Variants in NIN observed in about 807,000 individuals in gnomAD.
NIN encodes ninein.
Under a neutral mutation model 257.6 loss-of-function variants are expected in NIN, and 137 were observed. The observed-to-expected ratio is 0.53, with a 90% CI of 0.46 to 0.61. The LOEUF (loss-of-function observed/expected upper bound fraction) is 0.61. Among genes scored for constraint, NIN ranks in the 20% least tolerant of loss-of-function variants. The pLI is 0.00. For missense variants in NIN, 2,439 were observed against 2,501.2 expected, an observed-to-expected ratio of 0.98 and a Z score of 0.53; for synonymous variants, 918 against 919.8, an observed-to-expected ratio of 1.00 and a Z score of 0.04.
At chr14:50,771,569 G>C in intron 9 of NIN, 101 bp from the exon 10 acceptor site, 4 of 1,264,556 alleles carry the variant, frequency 3.2e-6, no homozygotes, top group Non-Finnish European at 4.4e-6. Flanking sequence ...AGCTGACAAT[G>C]ATCTAGCAAT....
chr14:50,735,430 A>G (rs537020985), intron 28 of NIN, 86 bp downstream of exon 28: 2 of 1,490,786 alleles, frequency 1.3e-6, no homozygotes, highest in Non-Finnish European at 1.8e-6. Flanking sequence ...CGGGAATTCA[A>G]TGCCATGTCT....
intron 5 of NIN, among the ~76,000 whole-genome samples, chr14:50,788,676 T>C (rs1202747083): frequency 2.0e-5 from 3 of 152,256 alleles, no homozygotes; most frequent in Admixed American, 6.5e-5. Context: ...AATTATTATT[T>C]TATCTTTTCA....
intron 2 of NIN, among the ~76,000 whole-genome samples, chr14:50,827,756 C>CAA (rs370926505): frequency 0.24 from 25,745 of 106,766 alleles, 3,349 homozygotes; most frequent in East Asian, 0.4. Flanking sequence ...GACTCCGTAT[C>CAA]AAAAAAAAAA....
chr14:50,742,315 G>A (rs1308752512), intron 24 of NIN: 5 of 152,134 alleles, frequency 3.3e-5, no homozygotes, highest in Non-Finnish European at 7.3e-5. Context: ...GAAGGCTGAG[G>A]TGGGAGAATC....
intron 3 of NIN, among the ~76,000 whole-genome samples, chr14:50,810,224 C>T (rs1425450444): frequency 2.6e-4 from 38 of 144,850 alleles, no homozygotes; most frequent in African/African-American, 9.5e-4. Context: ...GAGTGAGACT[C>T]CGTCTCAAAA....
At chr14:50,735,690 A>T (rs2040941070) in intron 27 of NIN, 73 bp from the exon 28 acceptor site, 3 of 1,492,162 alleles carry the variant, frequency 2.0e-6, no homozygotes, top group Non-Finnish European at 2.7e-6. Flanking sequence ...TTATTTTGAC[A>T]AATCTGTGCT....
At chr14:50,765,855 T>TA (rs1555383423) in intron 14 of NIN, among the ~76,000 whole-genome samples, 65 of 150,786 alleles carry the variant, frequency 4.3e-4, no homozygotes, top group African/African-American at 1.5e-3. Context: ...TTTTTTTTTT[T>TA]AATTTTATTA....
chr14:50,772,378 T>G lies in NIN; in HGVS notation c.904A>C (p.Met302Leu), dbSNP rs2042770515. ...FRVFSCLDDG[M>L]GHASVERILD... is the part of the protein sequence containing the mutation. The stretch of plus-strand genomic sequence containing the variant: ...ATTCTCTCCACAGATGCATGGCCCA[T>G]CCCATCATCCAGGCAGGAGAAGACC... Residue 302 changes from methionine to leucine, a missense_variant, in exon 9 of 31, where the codon ATG becomes CTG. Transcript: ENST00000530997. The G allele has an allele frequency of 6.2e-7, 1 of 1,614,072 alleles. No homozygotes were observed. Among genetic ancestry groups the G allele is most frequent in the Non-Finnish European group, 8.5e-7 (1 of 1,179,914 alleles).
At chr14:50,749,609 CATTT>C (rs1241463449) in intron 21 of NIN, among the ~76,000 whole-genome samples, 1 of 152,096 alleles carries the variant, frequency 6.6e-6, no homozygotes, top group Non-Finnish European at 1.5e-5. Flanking sequence ...TTTTCTTCTT[CATTT>C]ATTAATTGGA....
At position 50,801,651 on chromosome 14, in the gene NIN, C is replaced by T. The variant is rs144097276; in HGVS notation, c.265+5086G>A. On this transcript the variant is annotated intron_variant, in intron 4 of 30. Transcript: ENST00000530997. ...AATCAATAGCTAGCCTAGTGACAGGCCATAAGACCTGGTTCAAGGCACAAT... is the reference window on the plus strand; with the variant it reads ...AATCAATAGCTAGCCTAGTGACAGGTCATAAGACCTGGTTCAAGGCACAAT... Among the ~76,000 whole-genome samples the T allele has an allele frequency of 3.6e-4, 55 of 152,250 alleles. 1 individual carries two copies. The Middle Eastern group carries it at 0.01, about 28-fold the overall frequency.
intron 3 of NIN, among the ~76,000 whole-genome samples, chr14:50,810,319 C>A (rs2044533929): frequency 6.6e-6 from 1 of 151,716 alleles, no homozygotes; most frequent in South Asian, 2.1e-4. Context: ...ACTTCATAAT[C>A]CTGCTTCCCA....
Position 50,761,855 on chromosome 14 carries a change from T to C in NIN, c.1831A>G (p.Ile611Val), listed in dbSNP as rs1275880223. ...LNMSIEAELVIEQMKEQHHRD... is the reference protein window; with the variant it reads ...LNMSIEAELVVEQMKEQHHRD... ...TGATGTTGTTCTTTCATCTGTTCAA[T>C]GACCAGCTCTGCCTCAATGCTCATA... The change falls in exon 16 of 31, where the codon ATT becomes GTT. Residue 611 changes from isoleucine to valine, a missense_variant. This residue lies in a region of NIN where 2,043 missense variants were observed against 2,050.2 expected (regional missense o/e 1.00). Coordinates refer to ENST00000530997, the MANE Select transcript of NIN (RefSeq NM_020921.4). 3 of 1,614,210 alleles carry C rather than the reference T, an allele frequency of 1.9e-6. No homozygotes were observed. Among genetic ancestry groups the C allele is most frequent in the Admixed American group, 1.7e-5 (1 of 60,028 alleles).
In NIN at chr14:50,723,418, C is replaced by G. The variant is rs546312316; in HGVS notation, c.*45G>C. 9 of 1,507,342 alleles carry G rather than the reference C, an allele frequency of 6.0e-6. No individual in the cohort carries two copies. Among genetic ancestry groups the G allele is most frequent in the Non-Finnish European group, 5.5e-6 (6 of 1,088,046 alleles). 93.4% of individuals were successfully genotyped at this position (1,507,342 alleles called of 1,614,324 possible). A position where few individuals can be genotyped will look rare whatever the true frequency, so the allele number is the denominator to read the frequency against. On this transcript the variant is annotated 3_prime_UTR_variant, in exon 31 of 31. Transcript: ENST00000530997. ...GTTGAGAACCTACTGAAATGTTCAT[C>G]TATTTCAGTAAAGTGCACAAATATG...
Position 50,758,601 on chromosome 14 carries a change from C to G in NIN, c.2429G>C (p.Arg810Thr). Residue 810 changes from arginine (R) to threonine (T), a missense_variant, in exon 18 of 31, where the codon AGA becomes ACA. Coordinates refer to ENST00000530997, the MANE Select transcript of NIN (RefSeq NM_020921.4). Reference sequence around the variant, plus strand: ...AAACTGGGCTTCTATTTGAGAGGTTCTTCTATTACACTCTGTTTCCATTTT... The same window carrying G: ...AAACTGGGCTTCTATTTGAGAGGTTGTTCTATTACACTCTGTTTCCATTTT... ...REKMETECNR[R>T]TSQIEAQFQS... is the part of the protein sequence containing the mutation. 6.3e-7 allele frequency: 1 copy of G among 1,589,460 alleles called. No homozygotes were observed. Among genetic ancestry groups the G allele is most frequent in the Middle Eastern group, 1.7e-4 (1 of 5,934 alleles).
intron 3 of NIN, among the ~76,000 whole-genome samples, chr14:50,812,727 G>T (rs1255607896): frequency 6.6e-6 from 1 of 151,882 alleles, no homozygotes. Context: ...AATCTTCACA[G>T]ACAGAGATTA....
intron 5 of NIN, chr14:50,791,912 A>AT (rs2043613841): frequency 6.6e-6 from 1 of 152,072 alleles, no homozygotes; most frequent in Admixed American, 6.6e-5. Flanking sequence ...TTATATTAGT[A>AT]TCTGAAATAT....
chr14:50,801,193 C>T (rs549040713), intron 4 of NIN, among the ~76,000 whole-genome samples: 2 of 148,540 alleles, frequency 1.3e-5, no homozygotes, highest in African/African-American at 5.0e-5. Flanking sequence ...CAGGTTCAAG[C>T]GATTCTCCTG....
chr14:50,730,933 T>C, intron 28 of NIN: 1 of 1,347,324 alleles, frequency 7.4e-7, no homozygotes, highest in Non-Finnish European at 9.8e-7. Context: ...CTTCACACAC[T>C]ATCTCAGGCA....
At position 50,721,859 on chromosome 14, in the gene NIN, C is replaced by T. The variant is rs780540623; in HGVS notation, c.*1604G>A. The T allele has an allele frequency of 1.2e-4, 26 of 222,978 alleles. No homozygotes were observed. The highest frequency in any genetic ancestry group is 3.5e-4 in the Admixed American group (6 of 17,370). The allele number at this position is 222,978 out of a possible 1,614,324, so 13.8% of individuals were successfully genotyped here. On this transcript the variant is annotated 3_prime_UTR_variant, in exon 31 of 31. Transcript: ENST00000530997. Reference sequence around the variant, plus strand: ...TGGGTTGACCGGTGAGACTCATAAGCCCCCAAGAAACCCTGAAGTTCCCTG... The same window carrying T: ...TGGGTTGACCGGTGAGACTCATAAGTCCCCAAGAAACCCTGAAGTTCCCTG...
Sources: allele counts gnomAD v4.1 joint callset (sites outside exome capture counted in the v4.1 genomes callset), GRCh38; gene constraint gnomAD v4.1.1; regional missense constraint gnomAD v4.1.1; transcripts MANE v1.5; gene names NCBI Gene and HGNC (gene_info 2026-07-23, HGNC 2026-07-21).